The following ZFAND5 variants were observed in gnomAD, a reference collection of about 807,000 sequenced individuals.
ZFAND5 encodes the protein AN1-type zinc finger protein 5.
Under a neutral mutation model 23.6 loss-of-function variants are expected in ZFAND5, and 4 were observed. That is an observed-to-expected ratio of 0.17 (90% CI 0.08 to 0.39). The LOEUF is 0.39. ZFAND5 is among the 10% of genes least tolerant of loss of function. The probability of loss-of-function intolerance (pLI) is 1.00; values close to 1 mark genes in which losing one functional copy is unlikely to be tolerated. For synonymous variants in ZFAND5, 68 were observed against 80.6 expected (o/e 0.84, Z 0.84); for missense variants, 161 against 253.7 (o/e 0.63, Z 2.48).
At position 72,365,048 on chromosome 9, in the gene ZFAND5, G is replaced by A. The variant is rs1435538760; in HGVS notation, c.-499C>T. The A allele has an allele frequency of 1.3e-5, 2 of 152,190 alleles. No homozygotes were observed. The highest frequency in any genetic ancestry group is 2.4e-5 in the African/African-American group (1 of 41,440). The allele number at this position is 152,190 out of a possible 1,614,324, so 9.4% of individuals were successfully genotyped here. On this transcript the variant is annotated 5_prime_UTR_variant, in exon 1 of 7. Transcript: ENST00000376962. ...TCCACAGGCCGCAGGTTGGGCGGAC[G>A]AGGAGGGCGAGCGGACCGCGCGCCG...
chr9:72,364,317 G>A, intron 1 of ZFAND5: 2 of 935,410 alleles, frequency 2.1e-6, no homozygotes. Context: ...AGAGCTAGGG[G>A]GGGCTGCAAC....
chr9:72,362,944 C>T (rs1842147424), intron 2 of ZFAND5, among the ~76,000 whole-genome samples: 1 of 152,198 alleles, frequency 6.6e-6, no homozygotes, highest in Admixed American at 6.5e-5. Context: ...AACTCCTACA[C>T]AACCCCAAGA....
Position 72,360,133 on chromosome 9 carries a change from A to G in ZFAND5, c.240T>C (p.Ala80=). The G allele has an allele frequency of 1.2e-6, 2 of 1,611,496 alleles. No homozygotes were observed. The highest frequency in any genetic ancestry group is 1.7e-6 in the Non-Finnish European group (2 of 1,178,828). ...DTSLNNCEGA[A]GSTSEKSRNV... ...ACCTTGATTTTTCAGATGTGCTGCC[A>G]GCAGCACCTTCACAGTTGTTTAAGC... is the stretch of plus-strand genomic sequence containing the variant. The change falls in exon 4 of 7, where the codon GCT becomes GCC. Residue 80 remains alanine, a synonymous_variant. Coordinates refer to ENST00000376962, the MANE Select transcript of ZFAND5 (RefSeq NM_001102420.3).
intron 6 of ZFAND5, 148 bp downstream of exon 6, chr9:72,356,783 T>C (rs1841954924): frequency 9.3e-6 from 9 of 972,752 alleles, no homozygotes; most frequent in Non-Finnish European, 9.9e-6. Context: ...TCCACCCCAA[T>C]ACCACCTCCT....
In ZFAND5 at chr9:72,355,812, A is replaced by C; in HGVS notation, c.*141T>G. On this transcript the variant is annotated 3_prime_UTR_variant, in exon 7 of 7. Transcript: ENST00000376962. ...CTGTAACAAACACCCAAACATCCTA[A>C]AATATCAATTATAAGACAGACAAGT... The C allele has an allele frequency of 5.0e-6, 4 of 807,124 alleles. No individual in the cohort carries two copies. The highest frequency in any genetic ancestry group is 7.4e-6 in the Non-Finnish European group (4 of 537,344). 50.0% of individuals were successfully genotyped at this position (807,124 alleles called of 1,614,324 possible).
At position 72,362,629 on chromosome 9, in the gene ZFAND5, A is replaced by T. The variant is rs1379240625; in HGVS notation, c.-10+841T>A. On this transcript the variant is annotated intron_variant, in intron 2 of 6. Coordinates refer to ENST00000376962, the MANE Select transcript of ZFAND5 (RefSeq NM_001102420.3). ...GTATTCCAACTTTGCTTCAGAGAAC[A>T]TGTCTACCTTCATTTCATTATAAAT... Among the ~76,000 whole-genome samples, 3 of 152,216 alleles carry T rather than the reference A, an allele frequency of 2.0e-5. No individual in the cohort carries two copies. In the East Asian group the frequency reaches 5.8e-4, roughly 29 times the overall value.
At position 72,355,950 on chromosome 9, in the gene ZFAND5, A is replaced by G. The variant is rs779950094; in HGVS notation, c.*3T>C. On this transcript the variant is annotated 3_prime_UTR_variant, in exon 7 of 7. Coordinates refer to ENST00000376962, the MANE Select transcript of ZFAND5 (RefSeq NM_001102420.3). Reference sequence around the variant, plus strand: ...AAGTTTCAGTCTCTTCACAAGAAGTAATTTATATTCTCTGAATTTTTTCAG... The same window carrying G: ...AAGTTTCAGTCTCTTCACAAGAAGTGATTTATATTCTCTGAATTTTTTCAG... 6.2e-7 allele frequency: 1 copy of G among 1,600,526 alleles called. No individual in the cohort carries two copies. Among genetic ancestry groups the G allele is most frequent in the Non-Finnish European group, 8.5e-7 (1 of 1,175,032 alleles).
rs1841928058 is a variant in ZFAND5 at position 72,355,848 on chromosome 9, ACT to A, written c.*103_*104del. ...ATAAGACAGACAAGTGTAATGTAAA[ACT>A]CTGGAGAACATCAAAGAAAAATGGC... On this transcript the variant is annotated 3_prime_UTR_variant, in exon 7 of 7. Transcript: ENST00000376962. 3 of 1,057,638 alleles carry A rather than the reference ACT, an allele frequency of 2.8e-6. No individual in the cohort carries two copies. Among genetic ancestry groups the A allele is most frequent in the Admixed American group, 2.8e-5 (1 of 35,366 alleles). The allele number at this position is 1,057,638 out of a possible 1,614,324, so 65.5% of individuals were successfully genotyped here.
chr9:72,363,673 A>T (rs1842166940), intron 1 of ZFAND5, 67 bp from the exon 2 acceptor site: 1 of 981,516 alleles, frequency 1.0e-6, no homozygotes, highest in Non-Finnish European at 1.2e-6. Context: ...GTGGGGAAAC[A>T]TTTTAACAAA....
At chr9:72,360,459 A>G (rs1842066721) in intron 3 of ZFAND5, 169 bp downstream of exon 3, 5 of 932,592 alleles carry the variant, frequency 5.4e-6, no homozygotes, top group South Asian at 3.3e-5. Context: ...GCTTGTAGAT[A>G]GTCATTCATT....
In ZFAND5 at chr9:72,365,198, G is replaced by A. The variant is rs983511757; in HGVS notation, c.-649C>T. 2 of 152,218 alleles carry A rather than the reference G, an allele frequency of 1.3e-5. No individual in the cohort carries two copies. Among genetic ancestry groups the A allele is most frequent in the African/African-American group, 4.8e-5 (2 of 41,460 alleles). 9.4% of individuals were successfully genotyped at this position (152,218 alleles called of 1,614,324 possible). ...GGAGATGCACACAGCTCCGCGTCCC[G>A]GCCGACTAACGCACTCGCCGCCCGG... On this transcript the variant is annotated 5_prime_UTR_variant, in exon 1 of 7. Coordinates refer to ENST00000376962, the MANE Select transcript of ZFAND5 (RefSeq NM_001102420.3).
chr9:72,357,664 G>T (rs1285456475), intron 5 of ZFAND5, among the ~76,000 whole-genome samples: 1 of 151,988 alleles, frequency 6.6e-6, no homozygotes, highest in Admixed American at 6.6e-5. Flanking sequence ...TTTAAACCTT[G>T]GTTTTAAAAA....
intron 6 of ZFAND5, 114 bp downstream of exon 6, chr9:72,356,817 G>C (rs1024017464): frequency 4.2e-6 from 5 of 1,200,096 alleles, no homozygotes; most frequent in Non-Finnish European, 4.3e-6. Flanking sequence ...ACTACAGCTA[G>C]TCAGGCTTTT....
rs953288977 is a variant in ZFAND5 at position 72,365,092 on chromosome 9, G to A, written c.-543C>T. 2.6e-5 allele frequency: 4 copies of A among 152,276 alleles called. No homozygotes were observed. The highest frequency in any genetic ancestry group is 5.9e-5 in the Non-Finnish European group (4 of 68,104). The allele number at this position is 152,276 out of a possible 1,614,324, so 9.4% of individuals were successfully genotyped here. The stretch of plus-strand genomic sequence containing the variant: ...CGCGCCGCGAGGCCTGGGGCCGTAA[G>A]GGCCCGCTGATGGCGCTCTTCGCCG... On this transcript the variant is annotated 5_prime_UTR_variant, in exon 1 of 7. Transcript: ENST00000376962.
chr9:72,359,042 T>A (rs980332218), intron 5 of ZFAND5, among the ~76,000 whole-genome samples: 4 of 152,154 alleles, frequency 2.6e-5, no homozygotes, highest in Non-Finnish European at 5.9e-5. Flanking sequence ...GTTGTTCTAC[T>A]TAAAAGTTTT....
intron 6 of ZFAND5, 27 bp downstream of exon 6, chr9:72,356,904 C>T (rs565835704): frequency 6.2e-7 from 1 of 1,607,064 alleles, no homozygotes; most frequent in East Asian, 2.2e-5. Flanking sequence ...AGAAGTAAAA[C>T]ATACATTGTC....
intron 4 of ZFAND5, 67 bp from the exon 5 acceptor site, chr9:72,359,588 G>T: frequency 5.1e-6 from 7 of 1,379,180 alleles, no homozygotes; most frequent in Non-Finnish European, 7.0e-6. Flanking sequence ...TGAATAAGTT[G>T]TCAGTTCAAC....
chr9:72,358,930 C>T (rs1207981821), intron 5 of ZFAND5, among the ~76,000 whole-genome samples: 1 of 151,824 alleles, frequency 6.6e-6, no homozygotes, highest in Non-Finnish European at 1.5e-5. Context: ...CCAAAGTCAC[C>T]ATATCTCATG....
At chr9:72,361,617 T>C (rs562656007) in intron 2 of ZFAND5, among the ~76,000 whole-genome samples, 2 of 152,354 alleles carry the variant, frequency 1.3e-5, no homozygotes, top group South Asian at 4.1e-4. Flanking sequence ...TATATACACA[T>C]AACCTTTAGT....
Sources: gnomAD v4.1 joint callset for allele counts (sites outside exome capture counted in the v4.1 genomes callset) on GRCh38, gnomAD v4.1.1 for gene constraint, MANE v1.5 for transcripts, NCBI Gene and HGNC (gene_info 2026-07-23, HGNC 2026-07-21) for gene names.